The following NELFB variants were observed in gnomAD, a reference collection of about 807,000 sequenced individuals.
The protein encoded by NELFB is negative elongation factor B.
Under a neutral mutation model 60.2 loss-of-function variants are expected in NELFB, and 34 were observed. The observed-to-expected ratio is 0.56, with a 90% confidence interval of 0.43 to 0.75. The LOEUF (loss-of-function observed/expected upper bound fraction) is 0.75, where lower values mean the gene tolerates loss of function less well. Ranked by LOEUF, NELFB falls within the 30% of genes least tolerant of loss-of-function variation. NELFB has a pLI of 0.00. For synonymous variants in NELFB, 459 were observed against 382.1 expected (o/e 1.20, Z -2.35); for missense variants, 770 against 831.6 (o/e 0.93, Z 0.91).
intron 6 of NELFB, among the ~76,000 whole-genome samples, chr9:137,265,110 C>A (rs984622616): frequency 3.5e-5 from 5 of 144,130 alleles, no homozygotes; most frequent in Non-Finnish European, 7.5e-5. Flanking sequence ...TCTCCCTCAA[C>A]CTCCTGGGCA....
In NELFB at chr9:137,266,315, C is replaced by G; in HGVS notation, c.1144-16C>G. ...ACAGCTGCCTGGGAGAGGCGCTGAG[C>G]CCGTCCTCCCTACAGGACAGCCCCG... On this transcript the variant is annotated splice_polypyrimidine_tract_variant and intron_variant, in intron 7 of 12. Coordinates refer to ENST00000343053, the MANE Select transcript of NELFB (RefSeq NM_015456.5). 1 of 1,606,864 alleles carries G rather than the reference C, an allele frequency of 6.2e-7. No individual in the cohort carries two copies. Among genetic ancestry groups the G allele is most frequent in the Admixed American group, 1.7e-5 (1 of 59,624 alleles).
chr9:137,261,152 C>T (rs547160206), intron 4 of NELFB, among the ~76,000 whole-genome samples: 3 of 149,368 alleles, frequency 2.0e-5, no homozygotes, highest in Non-Finnish European at 4.4e-5. Context: ...ACCATCCTGG[C>T]TAACATGGTG....
In NELFB at chr9:137,269,891, T is replaced by G. The variant is rs1185443293; in HGVS notation, c.1490-2190T>G. 6.6e-6 allele frequency among the ~76,000 whole-genome samples: 1 copy of G among 152,216 alleles called. No homozygotes were observed. Among genetic ancestry groups the G allele is most frequent in the Non-Finnish European group, 1.5e-5 (1 of 68,038 alleles). ...GTGGGATGTGCATTTTCAGTCACAT[T>G]TGGGGAGAGCACGCGTGTTCTTAAG... On this transcript the variant is annotated intron_variant, in intron 10 of 12. Transcript: ENST00000343053. This position sits in a 1 kb window ranked among gnomAD's most constrained non-coding sequence, Gnocchi z 5.3.
chr9:137,267,942 G>A (rs966087646), intron 10 of NELFB, among the ~76,000 whole-genome samples: 2 of 152,228 alleles, frequency 1.3e-5, no homozygotes, highest in African/African-American at 4.8e-5. Flanking sequence ...GGTGCTCAGA[G>A]AATGGAGCAA....
Position 137,271,439 on chromosome 9 carries a change from T to G in NELFB, c.1490-642T>G, listed in dbSNP as rs1171097790. 3.3e-5 allele frequency among the ~76,000 whole-genome samples: 5 copies of G among 152,330 alleles called. No homozygotes were observed. In the East Asian group the frequency reaches 9.7e-4, roughly 29 times the overall value. On this transcript the variant is annotated intron_variant, in intron 10 of 12. Transcript: ENST00000343053. The stretch of plus-strand genomic sequence containing the variant: ...GGCATCAGTCTGCAGGCGGCCGCCC[T>G]CCCTCCCTGCAGGGGCCCCGTTTGG...
chr9:137,261,993 G>A (rs1830452669), intron 4 of NELFB, among the ~76,000 whole-genome samples: 1 of 150,936 alleles, frequency 6.6e-6, no homozygotes, highest in East Asian at 1.9e-4. Flanking sequence ...GAGAGAGAGA[G>A]AGGAGAGAGA....
In NELFB at chr9:137,255,987, C is replaced by T; in HGVS notation, c.327C>T (p.Phe109=). Residue 109 remains phenylalanine, a synonymous_variant, in exon 2 of 13, where the codon TTC becomes TTT. Coordinates refer to ENST00000343053, the MANE Select transcript of NELFB (RefSeq NM_015456.5). ...TGCACGGGACGCCGCGGCTGGAGTT[C>T]CACCAGTCGGTATTCGATGAGCTGC... 1 of 1,613,950 alleles carries T rather than the reference C, an allele frequency of 6.2e-7. No individual in the cohort carries two copies. Among genetic ancestry groups the T allele is most frequent in the Non-Finnish European group, 8.5e-7 (1 of 1,180,030 alleles).
At chr9:137,256,503 G>A in intron 3 of NELFB, 75 bp downstream of exon 3, 1 of 1,356,664 alleles carries the variant, frequency 7.4e-7, no homozygotes, top group South Asian at 1.2e-5. Flanking sequence ...GGAAGTTCCG[G>A]TGGCCGCCTA....
intron 5 of NELFB, 135 bp downstream of exon 5, chr9:137,263,357 CCCTCCTTCTCCCTT>C (rs1830478393): frequency 1.5e-6 from 1 of 687,306 alleles, no homozygotes; most frequent in Non-Finnish European, 2.3e-6. Flanking sequence ...CTCCCTCCCT[CCCTCCTTCTCCCTT>C]CTCCCCCGCT....
intron 1 of NELFB, 36 bp from the exon 2 acceptor site, chr9:137,255,871 C>A: frequency 6.2e-7 from 1 of 1,606,020 alleles, no homozygotes; most frequent in Non-Finnish European, 8.5e-7. Context: ...CCCGGGCGCA[C>A]TGGGCTGCGT....
chr9:137,258,381 G>A (rs1837591041), intron 4 of NELFB, among the ~76,000 whole-genome samples: 1 of 151,452 alleles, frequency 6.6e-6, no homozygotes, highest in Non-Finnish European at 1.5e-5. Flanking sequence ...GCACACCTCA[G>A]CCTCCTGAAG....
At chr9:137,256,092 G>C in intron 2 of NELFB, 22 bp downstream of exon 2, 2 of 1,607,522 alleles carry the variant, frequency 1.2e-6, no homozygotes, top group Non-Finnish European at 1.7e-6. Context: ...GGAGGGGTGG[G>C]CAGGTGAGAT....
chr9:137,264,443 G>A (rs1278550502), intron 6 of NELFB, 86 bp downstream of exon 6: 2 of 966,444 alleles, frequency 2.1e-6, no homozygotes, highest in Non-Finnish European at 1.6e-6. Flanking sequence ...GTGGGTAGCA[G>A]GCGTTTATTC....
chr9:137,259,737 T>A (rs1830404006), intron 4 of NELFB, among the ~76,000 whole-genome samples: 1 of 151,284 alleles, frequency 6.6e-6, no homozygotes, highest in Non-Finnish European at 1.5e-5. Flanking sequence ...TTTATTTATT[T>A]TTTTGGAGAC....
chr9:137,266,470 TGTGGGCTGGAA>T (rs769271330), intron 8 of NELFB, 44 bp downstream of exon 8: 2 of 1,562,932 alleles, frequency 1.3e-6, no homozygotes, highest in Admixed American at 3.4e-5. Context: ...TACGAGGGGT[TGTGGGCTGGAA>T]GTGGGGTGGA....
Position 137,269,264 on chromosome 9 carries a change from A to T in NELFB, c.1489+1918A>T, listed in dbSNP as rs1055624832. 1.3e-5 allele frequency among the ~76,000 whole-genome samples: 2 copies of T among 152,032 alleles called. No homozygotes were observed. The highest frequency in any genetic ancestry group is 4.8e-5 in the African/African-American group (2 of 41,374). On this transcript the variant is annotated intron_variant, in intron 10 of 12. Transcript: ENST00000343053. This position sits in a 1 kb window ranked among gnomAD's most constrained non-coding sequence, Gnocchi z 5.3. The stretch of plus-strand genomic sequence containing the variant: ...GGGTTTCCTGTTGTTGCTGGAACGA[A>T]TGACCACAGACAGTGGCATTAGACA...
intron 10 of NELFB, among the ~76,000 whole-genome samples, 172 bp downstream of exon 10, chr9:137,267,518 A>C (rs9722720): frequency 0.7 from 98,494 of 140,498 alleles, 34,584 homozygotes; most frequent in Admixed American, 0.78. Context: ...TTTGAGATGG[A>C]GTCTTGCTCT....
chr9:137,261,440 C>T (rs1830446119), intron 4 of NELFB, among the ~76,000 whole-genome samples: 1 of 151,690 alleles, frequency 6.6e-6, no homozygotes, highest in Non-Finnish European at 1.5e-5. Flanking sequence ...GGTGGATCAC[C>T]TGAGCTCAGA....
Position 137,267,343 on chromosome 9 carries a change from C to T in NELFB, c.1486C>T (p.Leu496=). 1 of 1,605,664 alleles carries T rather than the reference C, an allele frequency of 6.2e-7. No homozygotes were observed. Among genetic ancestry groups the T allele is most frequent in the Non-Finnish European group, 8.5e-7 (1 of 1,176,314 alleles). The change falls in exon 10 of 13, where the codon CTG becomes TTG. Residue 496 remains leucine, a synonymous_variant. Coordinates refer to ENST00000343053, the MANE Select transcript of NELFB (RefSeq NM_015456.5). ...CGCGCTCCTCCGCCTGCTGCCCGGG[C>T]TGGGTAAGTCCTGACGGGCGGTGCC...
Sources: gnomAD v4.1 joint callset for allele counts (sites outside exome capture counted in the v4.1 genomes callset) on GRCh38, gnomAD v4.1.1 for gene constraint, Gnocchi (gnomAD v3.1) non-coding constraint, MANE v1.5 for transcripts, NCBI Gene and HGNC (gene_info 2026-07-23, HGNC 2026-07-21) for gene names.